Variants in AGBL3 observed in about 807,000 individuals in gnomAD.
AGBL3 encodes cytosolic carboxypeptidase 3.
AGBL3 carries 68 observed loss-of-function variants against 94.5 expected under a neutral mutation model. That is an observed-to-expected ratio of 0.72 (90% CI 0.59 to 0.88). AGBL3 has a LOEUF of 0.88. Ranked by LOEUF, AGBL3 falls within the 40% of genes least tolerant of loss-of-function variation. The pLI is 0.00. For synonymous variants in AGBL3, 354 were observed against 370.7 expected (o/e 0.95, Z 0.52); for missense variants, 934 against 1,103.8 (o/e 0.85, Z 2.18).
chr7:135,021,023 G>T (rs990309475), intron 5 of AGBL3, among the ~76,000 whole-genome samples: 1 of 147,942 alleles, frequency 6.8e-6, no homozygotes, highest in Non-Finnish European at 1.5e-5. Flanking sequence ...AAACCTGCAC[G>T]TTATGCACAT....
intron 11 of AGBL3, among the ~76,000 whole-genome samples, chr7:135,052,852 G>A (rs910762502): frequency 6.6e-6 from 1 of 152,038 alleles, no homozygotes; most frequent in African/African-American, 2.4e-5. Context: ...AGGAATTTAT[G>A]GTAAATTGGG....
At chr7:135,072,715 G>A (rs1820044723) in intron 12 of AGBL3, among the ~76,000 whole-genome samples, 1 of 147,752 alleles carries the variant, frequency 6.8e-6, no homozygotes, top group African/African-American at 2.5e-5. Context: ...ATTGAACAAT[G>A]AGAACACATG....
intron 13 of AGBL3, among the ~76,000 whole-genome samples, chr7:135,078,397 T>A (rs531129556): frequency 6.6e-6 from 1 of 152,308 alleles, no homozygotes; most frequent in African/African-American, 2.4e-5. Context: ...AGGAATGTAA[T>A]ATGAATAGGA....
chr7:135,070,477 T>C (rs1224818435), intron 12 of AGBL3, among the ~76,000 whole-genome samples: 1 of 152,208 alleles, frequency 6.6e-6, no homozygotes, highest in Non-Finnish European at 1.5e-5. Flanking sequence ...AAATCCTCAA[T>C]AAAATACTGG....
intron 15 of AGBL3, among the ~76,000 whole-genome samples, chr7:135,107,179 A>C (rs1402967224): frequency 2.0e-5 from 3 of 151,686 alleles, no homozygotes; most frequent in African/African-American, 7.3e-5. Context: ...GGATTAATCG[A>C]TATTTTCAAT....
intron 11 of AGBL3, among the ~76,000 whole-genome samples, chr7:135,049,161 C>T (rs1294338970): frequency 2.0e-5 from 3 of 151,832 alleles, no homozygotes; most frequent in Non-Finnish European, 4.4e-5. Context: ...TTGTCAGGTG[C>T]TTTTTCTCTA....
rs927639775 is a variant in AGBL3, at chr7:135,032,452, G to A, written c.419-392G>A. On this transcript the variant is annotated intron_variant, in intron 5 of 16. Coordinates refer to ENST00000436302, the MANE Select transcript of AGBL3 (RefSeq NM_178563.4). Reference sequence around the variant, plus strand: ...CCTGGGTAGCTGGGACTACAGGCACGTGCCACCACACCTGGCTAATTTTTT... The same window carrying A: ...CCTGGGTAGCTGGGACTACAGGCACATGCCACCACACCTGGCTAATTTTTT... Among the ~76,000 whole-genome samples, 6 of 150,306 alleles carry A rather than the reference G, an allele frequency of 4.0e-5. No individual in the cohort carries two copies. In the East Asian group the frequency reaches 7.8e-4, roughly 20 times the overall value.
intron 4 of AGBL3, among the ~76,000 whole-genome samples, chr7:135,012,862 C>T (rs779216882): frequency 2.6e-5 from 4 of 151,830 alleles, no homozygotes; most frequent in African/African-American, 2.4e-5. Context: ...AAACATGGAA[C>T]GATATCTCTG....
chr7:135,113,816 TC>T (rs760496276), intron 15 of AGBL3, among the ~76,000 whole-genome samples: 1 of 152,036 alleles, frequency 6.6e-6, no homozygotes, highest in Non-Finnish European at 1.5e-5. Context: ...CAATTCTCCC[TC>T]CCCCCAGCAC....
intron 4 of AGBL3, among the ~76,000 whole-genome samples, chr7:134,998,734 C>A (rs1052951744): frequency 6.6e-5 from 10 of 152,066 alleles, no homozygotes; most frequent in African/African-American, 2.4e-4. Context: ...CCCGTTAGGC[C>A]CATAGCAATT....
chr7:135,118,318 T>C (rs1037513568), intron 16 of AGBL3, among the ~76,000 whole-genome samples: 3 of 152,200 alleles, frequency 2.0e-5, no homozygotes, highest in Non-Finnish European at 2.9e-5. Context: ...GAACCTCTTA[T>C]GAAAGTAATG....
chr7:135,025,474 T>C (rs754383470), intron 5 of AGBL3, among the ~76,000 whole-genome samples: 7 of 151,622 alleles, frequency 4.6e-5, no homozygotes, highest in Non-Finnish European at 1.0e-4. Flanking sequence ...AAAAGAATGA[T>C]ACCTGCTACC....
intron 4 of AGBL3, chr7:135,011,191 G>A (rs1813109480): frequency 6.6e-6 from 1 of 152,114 alleles, no homozygotes; most frequent in South Asian, 2.1e-4. Context: ...GGTCTTTTCA[G>A]TAAATAATAC....
chr7:135,026,672 T>C (rs1387651331), intron 5 of AGBL3, among the ~76,000 whole-genome samples: 1 of 151,726 alleles, frequency 6.6e-6, no homozygotes, highest in African/African-American at 2.4e-5. Flanking sequence ...AGTTTTCTTA[T>C]GTTTACTGTT....
chr7:135,100,610 C>T (rs1025063123), intron 15 of AGBL3, among the ~76,000 whole-genome samples: 4 of 152,206 alleles, frequency 2.6e-5, no homozygotes, highest in Non-Finnish European at 4.4e-5. Context: ...GATGTAGACT[C>T]TCTTGCCCCA....
chr7:134,986,852 C>G (rs1228496885), intron 1 of AGBL3, among the ~76,000 whole-genome samples, 151 bp downstream of exon 1: 1 of 152,278 alleles, frequency 6.6e-6, no homozygotes, highest in Non-Finnish European at 1.5e-5. Context: ...GCCAAAAACG[C>G]CTTGGTACTG....
At chr7:135,005,985 A>C (rs1470882458) in intron 4 of AGBL3, among the ~76,000 whole-genome samples, 1 of 151,904 alleles carries the variant, frequency 6.6e-6, no homozygotes, top group Non-Finnish European at 1.5e-5. Context: ...AAAACATACA[A>C]TTATAAATCT....
chr7:135,034,581 C>A lies in AGBL3; in HGVS notation c.990C>A (p.His330Gln). 1 of 1,551,808 alleles carries A rather than the reference C, an allele frequency of 6.4e-7. No homozygotes were observed. The change falls in exon 7 of 17, where the codon CAC becomes CAA. Residue 330 changes from histidine to glutamine, a missense_variant. His to Gln is a conservative substitution (Grantham distance 24, BLOSUM62 0). This residue lies in a region of AGBL3 where 488 missense variants were observed against 563.6 expected (regional missense o/e 0.87). Transcript: ENST00000436302. ...TTTGTAAAATACGTGTTTTGTGCCA[C>A]ACGCTTGCTAGGAACATGGTGTATA... ...SKFCKIRVLC[H>Q]TLARNMVYIL... is the part of the protein sequence containing the mutation.
intron 11 of AGBL3, among the ~76,000 whole-genome samples, chr7:135,047,453 G>C (rs1349603390): frequency 6.6e-6 from 1 of 151,938 alleles, no homozygotes; most frequent in African/African-American, 2.4e-5. Flanking sequence ...AGGAACCTCT[G>C]TGCTGTTTTC....
Sources: gnomAD v4.1 joint callset for allele counts (sites outside exome capture counted in the v4.1 genomes callset) on GRCh38, gnomAD v4.1.1 for gene constraint, gnomAD v4.1.1 regional missense constraint, MANE v1.5 for transcripts, NCBI Gene and HGNC (gene_info 2026-07-23, HGNC 2026-07-21) for gene names.